Variants in ZSCAN18 observed in about 807,000 individuals in gnomAD.
ZSCAN18 encodes the protein zinc finger and SCAN domain-containing protein 18.
ZSCAN18 carries 16 observed loss-of-function variants against 31.1 expected under a neutral mutation model. That is an observed-to-expected ratio of 0.51 (90% CI 0.35 to 0.78). The LOEUF is 0.78. ZSCAN18 is among the 30% of genes least tolerant of loss of function. The probability of loss-of-function intolerance (pLI) is 0.01; values close to 1 mark genes in which losing one functional copy is unlikely to be tolerated. For missense variants in ZSCAN18, 731 were observed against 697.4 expected (o/e 1.05, Z -0.54); for synonymous variants, 375 against 320.7 (o/e 1.17, Z -1.81).
chr19:58,089,302 C>CAAAAAA (rs374086957), intron 2 of ZSCAN18, among the ~76,000 whole-genome samples: 1 of 45,292 alleles, frequency 2.2e-5, no homozygotes, highest in Non-Finnish European at 3.9e-5. Flanking sequence ...GACTCCGTCT[C>CAAAAAA]AAAAAAAAAA....
At chr19:58,108,700 T>C (rs920885047) in intron 1 of ZSCAN18, 6 of 985,380 alleles carry the variant, frequency 6.1e-6, no homozygotes, top group African/African-American at 5.2e-5. Context: ...GATACTTCCA[T>C]TGTGTTCATA....
At chr19:58,116,541 C>T (rs2146033096) in intron 1 of ZSCAN18, among the ~76,000 whole-genome samples, 1 of 152,244 alleles carries the variant, frequency 6.6e-6, no homozygotes, top group African/African-American at 2.4e-5. Context: ...TTCTGAGTTA[C>T]AGCTCCTTTC....
At chr19:58,105,775 T>G (rs1056023612) in intron 1 of ZSCAN18, among the ~76,000 whole-genome samples, 1 of 151,906 alleles carries the variant, frequency 6.6e-6, no homozygotes, top group Non-Finnish European at 1.5e-5. Context: ...AGCTTAGGAG[T>G]TTAAGACTAG....
rs114817630 is a variant in ZSCAN18, at chr19:58,093,800, C to T, written c.-119-3414G>A. On this transcript the variant is annotated intron_variant, in intron 1 of 6. Transcript: ENST00000601144. The stretch of plus-strand genomic sequence containing the variant: ...TTTTTTTTGGAGACGGAGTCTCGCC[C>T]TGTCACCCACGCTGGAGTGCTGTGG... Among the ~76,000 whole-genome samples the T allele has an allele frequency of 6.3e-3, 964 of 152,222 alleles. 10 individuals are homozygous for T. The highest frequency in any genetic ancestry group is 0.022 in the African/African-American group (920 of 41,538).
chr19:58,086,653 G>A, intron 5 of ZSCAN18: 1 of 506,616 alleles, frequency 2.0e-6, no homozygotes, highest in East Asian at 3.3e-5. Context: ...CAATGTGGGC[G>A]CCTTGGGGCC....
At chr19:58,096,162 T>G (rs59600989) in intron 1 of ZSCAN18, among the ~76,000 whole-genome samples, 2,923 of 152,132 alleles carry the variant, frequency 0.019, 105 homozygotes, top group African/African-American at 0.066. Context: ...AGCCCAGGAG[T>G]TGGAGGCTGT....
chr19:58,100,038 G>A (rs1304663235), upstream of ZSCAN18, among the ~76,000 whole-genome samples: 2 of 144,126 alleles, frequency 1.4e-5, no homozygotes, highest in Non-Finnish European at 3.0e-5. Context: ...ATGAATCACT[G>A]CAGCCTTGAC....
chr19:58,114,342 T>C (rs952168828), intron 1 of ZSCAN18, among the ~76,000 whole-genome samples: 1 of 152,220 alleles, frequency 6.6e-6, no homozygotes, highest in Non-Finnish European at 1.5e-5. Context: ...GGTTATCACA[T>C]GATAACAGGA....
intron 1 of ZSCAN18, among the ~76,000 whole-genome samples, chr19:58,117,950 C>A (rs1417174782): frequency 3.3e-5 from 5 of 152,068 alleles, no homozygotes; most frequent in African/African-American, 4.8e-5. Context: ...CCACGCCCAA[C>A]GAAGAGGAGG....
At position 58,088,678 on chromosome 19, in the gene ZSCAN18, G is replaced by A. The variant is rs1307990000; in HGVS notation, c.553+10C>T. 4 of 1,606,044 alleles carry A rather than the reference G, an allele frequency of 2.5e-6. No homozygotes were observed. In the Admixed American group the frequency reaches 6.7e-5, roughly 27 times the overall value. ...CCCAGCAGAGGCTGCCAGGCTAGCT[G>A]GGCACTCACGTGTCTCAGAAGGTGC... On this transcript the variant is annotated intron_variant, in intron 3 of 6. Coordinates refer to ENST00000601144, the MANE Select transcript of ZSCAN18 (RefSeq NM_001145543.2).
At position 58,106,972 on chromosome 19, in the gene ZSCAN18, T is replaced by C. The variant is rs541871664; in HGVS notation, c.130+11295A>G. 2.0e-5 allele frequency among the ~76,000 whole-genome samples: 3 copies of C among 151,392 alleles called. No individual in the cohort carries two copies. The South Asian group carries it at 6.3e-4, about 32-fold the overall frequency. Reference sequence around the variant, plus strand: ...TAGAGATGAGGTTTCAGCATGTTGGTCAGGCTTGTCTCGAAATCCTGACCT... The same window carrying C: ...TAGAGATGAGGTTTCAGCATGTTGGCCAGGCTTGTCTCGAAATCCTGACCT... On this transcript the variant is annotated intron_variant, in intron 1 of 1. Transcript: ENST00000595721.
chr19:58,100,374 C>T (rs2074583519), upstream of ZSCAN18, among the ~76,000 whole-genome samples: 1 of 152,142 alleles, frequency 6.6e-6, no homozygotes, highest in African/African-American at 2.4e-5. Flanking sequence ...GGTGAGCCAT[C>T]CTCCCAGCAC....
At chr19:58,098,957 A>G (rs1001160598), upstream of ZSCAN18, among the ~76,000 whole-genome samples, 1 of 152,174 alleles carries the variant, frequency 6.6e-6, no homozygotes, top group Non-Finnish European at 1.5e-5. Flanking sequence ...TGTGAGTGGC[A>G]GCTGGGGTGA....
intron 1 of ZSCAN18, chr19:58,107,643 G>GA: frequency 1.0e-6 from 1 of 985,468 alleles, no homozygotes; most frequent in Middle Eastern, 5.2e-4. Context: ...TTTATAGATG[G>GA]AAAAACATAT....
At chr19:58,108,801 G>A in intron 1 of ZSCAN18, 2 of 986,298 alleles carry the variant, frequency 2.0e-6, no homozygotes, top group Non-Finnish European at 2.4e-6. Flanking sequence ...ACTAAGGTGT[G>A]TAGAAAGGCT....
intron 6 of ZSCAN18, 84 bp from the exon 7 acceptor site, chr19:58,085,463 C>A: frequency 1.6e-6 from 2 of 1,257,968 alleles, no homozygotes; most frequent in South Asian, 3.0e-5. Context: ...GCTGCCGGAA[C>A]AGCGCACAGG....
At chr19:58,111,508 G>T (rs2074683096) in intron 1 of ZSCAN18, among the ~76,000 whole-genome samples, 1 of 151,858 alleles carries the variant, frequency 6.6e-6, no homozygotes, top group Non-Finnish European at 1.5e-5. Flanking sequence ...ACCATGTGCA[G>T]CTACTTATAA....
rs145327857 is a variant in ZSCAN18 at position 58,113,696 on chromosome 19, T to C, written c.130+4571A>G. Reference sequence around the variant, plus strand: ...ACTTGGCTCAAAAATAATACCATAATGGCTGGACGCAGTGGCTCACGACTA... The same window carrying C: ...ACTTGGCTCAAAAATAATACCATAACGGCTGGACGCAGTGGCTCACGACTA... On this transcript the variant is annotated intron_variant, in intron 1 of 1. Coordinates refer to the ZSCAN18 transcript ENST00000595721. Among the ~76,000 whole-genome samples the C allele has an allele frequency of 8.0e-3, 1,210 of 152,144 alleles. 29 individuals carry two copies. Among genetic ancestry groups the C allele is most frequent in the African/African-American group, 0.027 (1,122 of 41,490 alleles).
At chr19:58,098,047 G>A in intron 1 of ZSCAN18, 127 bp downstream of exon 1, 1 of 985,602 alleles carries the variant, frequency 1.0e-6, no homozygotes, top group Non-Finnish European at 1.2e-6. Context: ...GCACAGCGGG[G>A]GCTCGCACCC....
Sources: allele counts gnomAD v4.1 joint callset (sites outside exome capture counted in the v4.1 genomes callset), GRCh38; gene constraint gnomAD v4.1.1; transcripts MANE v1.5; gene names NCBI Gene and HGNC (gene_info 2026-07-23, HGNC 2026-07-21).